The following PLCB1 variants were observed in gnomAD, a reference collection of about 807,000 sequenced individuals.
PLCB1 encodes the protein phospholipase C beta 1.
A neutral mutation model predicts 161.8 loss-of-function variants in PLCB1; 46 were observed. The ratio of observed to expected loss-of-function variants is 0.28; its 90% CI spans 0.22 to 0.36. The LOEUF (loss-of-function observed/expected upper bound fraction) is 0.36, where lower values mean the gene tolerates loss of function less well. PLCB1 is among the 10% of genes least tolerant of loss of function. PLCB1 has a pLI of 1.00. For missense variants in PLCB1, 1,016 were observed against 1,472.5 expected (o/e 0.69, Z 5.07); for synonymous variants, 517 against 503.7 (o/e 1.03, Z -0.35).
In PLCB1 at chr20:8,729,047, C is replaced by T. The variant is rs1980090810; in HGVS notation, c.1764-3C>T. On this transcript the variant is annotated splice_polypyrimidine_tract_variant and splice_region_variant and intron_variant, in intron 17 of 31. Coordinates refer to ENST00000338037, the MANE Select transcript of PLCB1 (RefSeq NM_015192.4). ...GTATTCACTACTTAACATGATGGTC[C>T]AGATATAACAAAATGCAGCTTAGCA... 1.9e-6 allele frequency: 3 copies of T among 1,599,140 alleles called. No individual in the cohort carries two copies. Among genetic ancestry groups the T allele is most frequent in the Non-Finnish European group, 2.6e-6 (3 of 1,171,194 alleles).
intron 2 of PLCB1, among the ~76,000 whole-genome samples, chr20:8,217,276 T>A (rs931682132): frequency 6.6e-6 from 1 of 152,096 alleles, no homozygotes; most frequent in Non-Finnish European, 1.5e-5. Context: ...ATCTCTGCAA[T>A]AAGTGCAGTG....
intron 10 of PLCB1, among the ~76,000 whole-genome samples, chr20:8,692,167 T>G (rs1990494069): frequency 6.6e-6 from 1 of 152,230 alleles, no homozygotes; most frequent in Non-Finnish European, 1.5e-5. Context: ...TTAAATTATC[T>G]GACTGAATGT....
intron 1 of PLCB1, among the ~76,000 whole-genome samples, chr20:8,146,942 A>G (rs1378458516): frequency 6.6e-6 from 1 of 152,226 alleles, no homozygotes; most frequent in Non-Finnish European, 1.5e-5. Flanking sequence ...TCTTTTTTAC[A>G]GACAAACATT....
intron 4 of PLCB1, among the ~76,000 whole-genome samples, chr20:8,631,497 A>C (rs1189801908): frequency 6.6e-6 from 1 of 152,218 alleles, no homozygotes; most frequent in Non-Finnish European, 1.5e-5. Flanking sequence ...TGCTAAATAA[A>C]ACCTCAGGTC....
chr20:8,192,976 A>G (rs1406694637), intron 2 of PLCB1, among the ~76,000 whole-genome samples: 1 of 152,040 alleles, frequency 6.6e-6, no homozygotes, highest in African/African-American at 2.4e-5. Flanking sequence ...ATTCAATTAC[A>G]TTCAAAATTT....
intron 1 of PLCB1, among the ~76,000 whole-genome samples, chr20:8,149,393 C>T (rs1197936638): frequency 6.6e-6 from 1 of 152,168 alleles, no homozygotes; most frequent in Non-Finnish European, 1.5e-5. Context: ...ATCATTCATA[C>T]TGCTCTGCCC....
chr20:8,765,440 TTGGACC>T, intron 26 of PLCB1, 82 bp downstream of exon 26: 1 of 1,059,546 alleles, frequency 9.4e-7, no homozygotes, highest in Non-Finnish European at 1.4e-6. Flanking sequence ...TATCATATTT[TTGGACC>T]TGTACCATGG....
At chr20:8,295,835 G>A (rs540178253) in intron 2 of PLCB1, among the ~76,000 whole-genome samples, 3 of 151,780 alleles carry the variant, frequency 2.0e-5, no homozygotes, top group East Asian at 1.9e-4. Flanking sequence ...TCAGCCTCCC[G>A]AGTAGATGGG....
Position 8,553,924 on chromosome 20 carries a change from C to A in PLCB1, c.247-74370C>A, listed in dbSNP as rs115772178. 4.6e-3 allele frequency among the ~76,000 whole-genome samples: 700 copies of A among 152,068 alleles called. 3 individuals carry two copies. The highest frequency in any genetic ancestry group is 0.015 in the African/African-American group (640 of 41,474). ...GGCTGAGGCAGAATAATCATTTGAA[C>A]CTAGCAAGCAGAGGTTGCAGTGAGC... On this transcript the variant is annotated intron_variant, in intron 3 of 31. Coordinates refer to ENST00000338037, the MANE Select transcript of PLCB1 (RefSeq NM_015192.4).
intron 1 of PLCB1, among the ~76,000 whole-genome samples, chr20:8,134,050 C>T (rs2051318822): frequency 2.6e-5 from 4 of 152,182 alleles, no homozygotes; most frequent in Admixed American, 2.0e-4. Flanking sequence ...CTTGAAAGCT[C>T]GTGCCAATTA....
Position 8,321,959 on chromosome 20 carries a change from G to T in PLCB1, c.178-49423G>T, listed in dbSNP as rs188837912. Reference sequence around the variant, plus strand: ...CAGTTACATGCTGGGCATGCTGAAAGTATCAAGGAATTAAAGCTTCTGGAA... The same window carrying T: ...CAGTTACATGCTGGGCATGCTGAAATTATCAAGGAATTAAAGCTTCTGGAA... On this transcript the variant is annotated intron_variant, in intron 2 of 31. Coordinates refer to ENST00000338037, the MANE Select transcript of PLCB1 (RefSeq NM_015192.4). Among the ~76,000 whole-genome samples the T allele has an allele frequency of 5.9e-4, 90 of 152,228 alleles. 1 individual carries two copies. The highest frequency in any genetic ancestry group is 3.4e-3 in the Middle Eastern group (1 of 294).
intron 2 of PLCB1, among the ~76,000 whole-genome samples, chr20:8,251,316 T>C (rs1568605671): frequency 6.6e-6 from 1 of 151,898 alleles, no homozygotes; most frequent in African/African-American, 2.4e-5. Flanking sequence ...ACAACAGTGA[T>C]GATGGTTAGG....
At chr20:8,206,452 T>C (rs1978534859) in intron 2 of PLCB1, among the ~76,000 whole-genome samples, 1 of 152,164 alleles carries the variant, frequency 6.6e-6, no homozygotes, top group Admixed American at 6.6e-5. Flanking sequence ...TATGAAGGCA[T>C]TGTTATCGTT....
At chr20:8,214,212 C>T (rs942358622) in intron 2 of PLCB1, among the ~76,000 whole-genome samples, 7 of 152,016 alleles carry the variant, frequency 4.6e-5, no homozygotes, top group Non-Finnish European at 8.8e-5. Context: ...GGATCTGTGT[C>T]GCTGCACAAA....
At chr20:8,447,091 T>A (rs1980868815) in intron 3 of PLCB1, among the ~76,000 whole-genome samples, 1 of 152,302 alleles carries the variant, frequency 6.6e-6, no homozygotes, top group East Asian at 1.9e-4. Context: ...GTGATTTGGC[T>A]GTTTAGAAAT....
chr20:8,654,341 A>G (rs1600228559), intron 7 of PLCB1, among the ~76,000 whole-genome samples: 1 of 152,188 alleles, frequency 6.6e-6, no homozygotes, highest in African/African-American at 2.4e-5. Flanking sequence ...ACAAGTCATC[A>G]CTGACAGTGC....
At chr20:8,523,486 C>CCATATATATATATATATATATA (rs1341360626) in intron 3 of PLCB1, among the ~76,000 whole-genome samples, 6 of 61,184 alleles carry the variant, frequency 9.8e-5, no homozygotes, top group South Asian at 4.5e-4. Context: ...CTCTCTCTCT[C>CCATATATATATATATATATATA]TCTCTCTCTC....
intron 31 of PLCB1, among the ~76,000 whole-genome samples, chr20:8,868,532 G>C (rs1378188871): frequency 6.6e-6 from 1 of 152,210 alleles, no homozygotes; most frequent in African/African-American, 2.4e-5. Flanking sequence ...AAGAATATCA[G>C]GTTCCTGAGA....
chr20:8,799,505 A>C (rs1169087883), intron 31 of PLCB1, among the ~76,000 whole-genome samples: 1 of 152,112 alleles, frequency 6.6e-6, no homozygotes, highest in Non-Finnish European at 1.5e-5. Flanking sequence ...TTTAATCCTC[A>C]ATGTATCTCT....
Sources: gnomAD v4.1 joint callset for allele counts (sites outside exome capture counted in the v4.1 genomes callset) on GRCh38, gnomAD v4.1.1 for gene constraint, MANE v1.5 for transcripts, NCBI Gene and HGNC (gene_info 2026-07-23, HGNC 2026-07-21) for gene names.